Variants in MECOM observed in about 807,000 individuals in gnomAD.
MECOM encodes the protein MDS1 and EVI1 complex locus, also known as histone-lysine N-methyltransferase MECOM.
MECOM carries 13 observed loss-of-function variants against 116.3 expected under a neutral mutation model. The observed-to-expected ratio is 0.11, with a 90% CI of 0.07 to 0.18. The LOEUF (loss-of-function observed/expected upper bound fraction) is 0.18, where lower values mean the gene tolerates loss of function less well. Ranked by LOEUF, MECOM falls within the 10% of genes least tolerant of loss-of-function variation. MECOM has a pLI of 1.00. For synonymous variants in MECOM, 528 were observed against 535.2 expected (o/e 0.99, Z 0.19); for missense variants, 1,299 against 1,509.0 (o/e 0.86, Z 2.31).
intron 1 of MECOM, among the ~76,000 whole-genome samples, chr3:169,614,114 CTTTTTTT>C (rs34798812): frequency 1.4e-5 from 2 of 138,180 alleles, no homozygotes; most frequent in African/African-American, 5.2e-5. Context: ...TTTCTTTTTT[CTTTTTTT>C]TTTCTCTCTC....
intron 3 of MECOM, among the ~76,000 whole-genome samples, chr3:169,140,294 G>C (rs1737711653): frequency 6.6e-6 from 1 of 152,046 alleles, no homozygotes; most frequent in African/African-American, 2.4e-5. Context: ...ATAGACCTAT[G>C]TAGCATTGTA....
chr3:169,244,351 G>A (rs1470868890), intron 2 of MECOM, among the ~76,000 whole-genome samples: 2 of 152,212 alleles, frequency 1.3e-5, no homozygotes, highest in Non-Finnish European at 2.9e-5. Flanking sequence ...GCTGTGGCAT[G>A]CACAAGTTTG....
At chr3:169,363,768 C>T (rs1291128936) in intron 2 of MECOM, among the ~76,000 whole-genome samples, 4 of 151,828 alleles carry the variant, frequency 2.6e-5, no homozygotes, top group Admixed American at 6.6e-5. Flanking sequence ...AGACTGAACA[C>T]GCAGTATATA....
chr3:169,143,654 C>G (rs994572090), intron 3 of MECOM, 44 bp downstream of exon 3: 1 of 1,494,122 alleles, frequency 6.7e-7, no homozygotes, highest in Non-Finnish European at 9.0e-7. Context: ...TCCAGTGATA[C>G]TTTTGTGCTC....
At chr3:169,348,083 AT>A (rs1369019422) in intron 2 of MECOM, among the ~76,000 whole-genome samples, 2 of 152,042 alleles carry the variant, frequency 1.3e-5, no homozygotes, top group Non-Finnish European at 2.9e-5. Flanking sequence ...TTAAAAAAAA[AT>A]ATTTCTAGCA....
At chr3:169,581,386 C>T (rs1158564218) in intron 1 of MECOM, among the ~76,000 whole-genome samples, 1 of 152,194 alleles carries the variant, frequency 6.6e-6, no homozygotes, top group Non-Finnish European at 1.5e-5. Flanking sequence ...TCAAACCCTA[C>T]CTAATGGGCC....
rs1343798606 is a variant in MECOM, at chr3:169,086,544, C to T, written c.3586-1501G>A. On this transcript the variant is annotated intron_variant, in intron 16 of 16. Transcript: ENST00000651503. ...GTGTGATCTTGAGCAAGTTGCTTAA[C>T]CTTTTAAGCTTTACTTTCCTCCTAT... 4.3e-6 allele frequency: 3 copies of T among 701,366 alleles called. No homozygotes were observed. The African/African-American group carries it at 5.2e-5, about 12-fold the overall frequency. The allele number at this position is 701,366 out of a possible 1,614,324, so 43.4% of individuals were successfully genotyped here. A position where few individuals can be genotyped will look rare whatever the true frequency, so the allele number is the denominator to read the frequency against.
intron 1 of MECOM, chr3:169,483,860 G>C (rs1751745739): frequency 1.2e-6 from 2 of 1,611,192 alleles, no homozygotes; most frequent in Non-Finnish European, 1.7e-6. Context: ...TCTTGCTCTT[G>C]CTCCTTTCGA....
chr3:169,643,332 C>A (rs923849281), intron 1 of MECOM, among the ~76,000 whole-genome samples: 2 of 152,018 alleles, frequency 1.3e-5, no homozygotes, highest in East Asian at 1.9e-4. Flanking sequence ...ATATGTGAAC[C>A]CCCAAATATG....
chr3:169,110,286 T>G (rs1037099445), intron 9 of MECOM, among the ~76,000 whole-genome samples: 9 of 152,220 alleles, frequency 5.9e-5, no homozygotes, highest in Admixed American at 2.0e-4. Context: ...GCAAAGAAAT[T>G]GGGCATAAAT....
At chr3:169,331,616 T>C (rs1379837034) in intron 2 of MECOM, among the ~76,000 whole-genome samples, 1 of 152,134 alleles carries the variant, frequency 6.6e-6, no homozygotes, top group Non-Finnish European at 1.5e-5. Flanking sequence ...ACTATAGAAA[T>C]CTTAAACACA....
At chr3:169,153,198 A>G (rs1228898763) in intron 2 of MECOM, among the ~76,000 whole-genome samples, 4 of 152,196 alleles carry the variant, frequency 2.6e-5, no homozygotes, top group Non-Finnish European at 5.9e-5. Context: ...AAATAGAGAC[A>G]ATAGAGAAAT....
chr3:169,521,988 A>G (rs1757402808), intron 1 of MECOM, among the ~76,000 whole-genome samples: 1 of 152,252 alleles, frequency 6.6e-6, no homozygotes, highest in Non-Finnish European at 1.5e-5. Context: ...GAGAATATGC[A>G]TAAGTTATAT....
At chr3:169,407,176 G>A (rs564804769) in intron 1 of MECOM, among the ~76,000 whole-genome samples, 10 of 152,056 alleles carry the variant, frequency 6.6e-5, no homozygotes, top group Non-Finnish European at 1.2e-4. Context: ...TAGTTCCATC[G>A]CTCCCACCAT....
intron 3 of MECOM, chr3:169,132,094 G>C (rs1454599722): frequency 2.4e-6 from 1 of 418,796 alleles, no homozygotes; most frequent in African/African-American, 2.2e-5. Context: ...CAATCAGAAG[G>C]GTGCTCCCAT....
chr3:169,407,453 CA>C (rs5854328), intron 1 of MECOM, among the ~76,000 whole-genome samples: 7,794 of 152,228 alleles, frequency 0.051, 256 homozygotes, highest in African/African-American at 0.091. Context: ...TTCACAAAAA[CA>C]TTTTTTGTAA....
chr3:169,124,587 A>G (rs1732196387), intron 5 of MECOM, among the ~76,000 whole-genome samples: 1 of 151,964 alleles, frequency 6.6e-6, no homozygotes, highest in South Asian at 2.1e-4. Flanking sequence ...GTGGTATTGA[A>G]CTTATGTTTT....
chr3:169,283,445 A>G (rs1000872777), intron 2 of MECOM, among the ~76,000 whole-genome samples: 4 of 152,200 alleles, frequency 2.6e-5, no homozygotes, highest in African/African-American at 9.7e-5. Flanking sequence ...TTTGTATAAT[A>G]AGAAAAAAAT....
rs553049845 is a variant in MECOM, at chr3:169,516,875, C to A, written c.38-135351G>T. ...TTCTGACCAGTCAAAGCATTGAAATCATAACCTAAATTTAAAAAACCTAAG... is the reference window on the plus strand; with the variant it reads ...TTCTGACCAGTCAAAGCATTGAAATAATAACCTAAATTTAAAAAACCTAAG... On this transcript the variant is annotated intron_variant, in intron 1 of 16. Transcript: ENST00000651503. Among the ~76,000 whole-genome samples the A allele has an allele frequency of 2.2e-4, 33 of 152,238 alleles. 1 individual carries two copies. The highest frequency in any genetic ancestry group is 7.9e-4 in the African/African-American group (33 of 41,540).
Sources: allele counts gnomAD v4.1 joint callset (sites outside exome capture counted in the v4.1 genomes callset), GRCh38; gene constraint gnomAD v4.1.1; transcripts MANE v1.5; gene names NCBI Gene and HGNC (gene_info 2026-07-23, HGNC 2026-07-21).